Variants in GMDS observed in about 807,000 individuals in gnomAD.
GMDS encodes GDP-mannose 4,6-dehydratase.
In GMDS, 20 loss-of-function variants were observed where a neutral mutation model predicts 49.9. The observed-to-expected ratio is 0.40, with a 90% CI of 0.28 to 0.58. The LOEUF (loss-of-function observed/expected upper bound fraction) is 0.58, where lower values mean the gene tolerates loss of function less well. GMDS is among the 20% of genes least tolerant of loss of function. GMDS has a pLI of 0.42. For missense variants in GMDS, 362 were observed against 481.4 expected (o/e 0.75, Z 2.32); for synonymous variants, 177 against 178.6 (o/e 0.99, Z 0.07).
chr6:1,648,658 C>T lies in GMDS; in HGVS notation c.988-24118G>A, dbSNP rs75067587. Among the ~76,000 whole-genome samples the T allele has an allele frequency of 5.9e-3, 895 of 152,306 alleles. 9 individuals are homozygous for T. The highest frequency in any genetic ancestry group is 0.02 in the African/African-American group (835 of 41,572). On this transcript the variant is annotated intron_variant, in intron 9 of 10. Coordinates refer to ENST00000380815, the MANE Select transcript of GMDS (RefSeq NM_001500.4). ...TCTTTGCAAAGAGAACTGTCAGATC[C>T]GTTAGTTTCATAATACTTTAATCAT... is the stretch of plus-strand genomic sequence containing the variant.
In GMDS at chr6:2,206,368, G is replaced by A. The variant is rs141028215; in HGVS notation, c.102+38953C>T. Among the ~76,000 whole-genome samples the A allele has an allele frequency of 5.9e-4, 90 of 152,182 alleles. No homozygotes were observed. In the East Asian group the frequency reaches 7.9e-3, roughly 13 times the overall value. ...TCTGGGTTCTCAACCCAAGTGGAGTGTGGTCAGACTCCAGGGGTGCCTCTG... is the reference window on the plus strand; with the variant it reads ...TCTGGGTTCTCAACCCAAGTGGAGTATGGTCAGACTCCAGGGGTGCCTCTG... On this transcript the variant is annotated intron_variant, in intron 1 of 10. Transcript: ENST00000380815.
chr6:1,979,584 C>T (rs559984374), intron 4 of GMDS, among the ~76,000 whole-genome samples: 1 of 152,214 alleles, frequency 6.6e-6, no homozygotes, highest in East Asian at 1.9e-4. Context: ...GATACTTGAA[C>T]AATATGGGGA....
intron 6 of GMDS, among the ~76,000 whole-genome samples, chr6:1,946,879 G>A (rs1272698043): frequency 6.6e-6 from 1 of 152,224 alleles, no homozygotes; most frequent in Non-Finnish European, 1.5e-5. Flanking sequence ...TTCACAAGGA[G>A]CACTCAACTA....
chr6:1,873,545 A>G (rs1561857978), intron 7 of GMDS, among the ~76,000 whole-genome samples: 1 of 152,208 alleles, frequency 6.6e-6, no homozygotes, highest in East Asian at 1.9e-4. Flanking sequence ...GCCAGCTGAC[A>G]TACTTGGTAA....
chr6:1,921,030 G>A (rs985217152), intron 7 of GMDS, among the ~76,000 whole-genome samples: 3 of 152,194 alleles, frequency 2.0e-5, no homozygotes, highest in Non-Finnish European at 2.9e-5. Flanking sequence ...AAAGGGTGGA[G>A]TACAAGCTTC....
chr6:2,053,320 TAC>T (rs1204709044), intron 4 of GMDS, among the ~76,000 whole-genome samples: 3 of 152,084 alleles, frequency 2.0e-5, no homozygotes, highest in African/African-American at 7.2e-5. Context: ...TATTTGAAAG[TAC>T]AGTTTCCATG....
intron 4 of GMDS, among the ~76,000 whole-genome samples, chr6:2,019,286 T>C (rs1768107627): frequency 6.6e-6 from 1 of 151,776 alleles, no homozygotes; most frequent in Non-Finnish European, 1.5e-5. Flanking sequence ...AATGTGGATG[T>C]CTTTTGTTTC....
At chr6:1,846,549 G>A (rs1757421434) in intron 7 of GMDS, among the ~76,000 whole-genome samples, 1 of 152,206 alleles carries the variant, frequency 6.6e-6, no homozygotes, top group Non-Finnish European at 1.5e-5. Flanking sequence ...AAAACTCTAA[G>A]AGGCTGGCAG....
intron 7 of GMDS, among the ~76,000 whole-genome samples, chr6:1,896,782 C>A (rs534309028): frequency 6.6e-6 from 1 of 152,128 alleles, no homozygotes; most frequent in Non-Finnish European, 1.5e-5. Flanking sequence ...TTGACAAACA[C>A]AAGTGCCATC....
intron 1 of GMDS, among the ~76,000 whole-genome samples, chr6:2,179,160 C>T (rs1778411710): frequency 6.6e-6 from 1 of 152,126 alleles, no homozygotes; most frequent in African/African-American, 2.4e-5. Context: ...TATTACAGAA[C>T]AATCCAACTT....
chr6:2,199,460 T>C (rs1457403876), intron 1 of GMDS, among the ~76,000 whole-genome samples: 1 of 152,172 alleles, frequency 6.6e-6, no homozygotes, highest in Non-Finnish European at 1.5e-5. Context: ...ACACAATCCA[T>C]TTACTTTCTG....
rs576204192 is a variant in GMDS, at chr6:1,960,928, G to A, written c.384C>T (p.Asp128=). The change falls in exon 5 of 11, where the codon GAC becomes GAT. Residue 128 remains aspartate, a synonymous_variant. Coordinates refer to ENST00000380815, the MANE Select transcript of GMDS (RefSeq NM_001500.4). ...FDLAEYTADV[D]GVGTLRLLDA... ...CTAGAAGTCGTAGAGTGCCAACTCC[G>A]TCAACGTCCGCAGTGTACTCAGCGA... 8.8e-6 allele frequency: 14 copies of A among 1,593,762 alleles called. No homozygotes were observed. The highest frequency in any genetic ancestry group is 4.5e-5 in the East Asian group (2 of 44,600).
At chr6:2,219,569 T>TA (rs931645545) in intron 1 of GMDS, among the ~76,000 whole-genome samples, 9 of 151,184 alleles carry the variant, frequency 6.0e-5, no homozygotes, top group African/African-American at 1.7e-4. Flanking sequence ...GGTGAGTTAC[T>TA]AAAAAAAAAT....
intron 9 of GMDS, among the ~76,000 whole-genome samples, chr6:1,722,059 C>T (rs4959598): frequency 0.83 from 115,048 of 137,900 alleles, 48,485 homozygotes; most frequent in East Asian, 1. Context: ...ACTGCTATCA[C>T]GTCTTTTTTT....
chr6:1,875,414 A>G (rs916135603), intron 7 of GMDS, among the ~76,000 whole-genome samples: 9 of 152,162 alleles, frequency 5.9e-5, no homozygotes, highest in Non-Finnish European at 1.3e-4. Flanking sequence ...AATTTCAAAC[A>G]TGTATAAGTG....
chr6:1,709,260 G>A (rs929749205), intron 9 of GMDS, among the ~76,000 whole-genome samples: 10 of 152,240 alleles, frequency 6.6e-5, no homozygotes, highest in African/African-American at 2.4e-4. Context: ...AGTGCTTAGA[G>A]CAGCTGTCCT....
At chr6:2,209,637 T>C (rs1779977324) in intron 1 of GMDS, among the ~76,000 whole-genome samples, 1 of 151,798 alleles carries the variant, frequency 6.6e-6, no homozygotes, top group Admixed American at 6.6e-5. Context: ...TGGACTGAAT[T>C]CTAGAAAACT....
chr6:1,627,194 T>A (rs1343347643), intron 9 of GMDS, among the ~76,000 whole-genome samples: 2 of 152,248 alleles, frequency 1.3e-5, no homozygotes, highest in Non-Finnish European at 2.9e-5. Context: ...CAGCTTGTTT[T>A]ACACTTAACT....
chr6:1,786,420 C>A (rs1769322888), intron 7 of GMDS, among the ~76,000 whole-genome samples: 1 of 152,064 alleles, frequency 6.6e-6, no homozygotes, highest in Non-Finnish European at 1.5e-5. Context: ...GAGTGGGACT[C>A]CAGTCTCTGG....
Sources: gnomAD v4.1 joint callset for allele counts (sites outside exome capture counted in the v4.1 genomes callset) on GRCh38, gnomAD v4.1.1 for gene constraint, MANE v1.5 for transcripts, NCBI Gene and HGNC (gene_info 2026-07-23, HGNC 2026-07-21) for gene names.